The following PTCSC3 variants were observed in gnomAD, a reference collection of about 807,000 sequenced individuals.
PTCSC3 encodes the protein papillary thyroid carcinoma susceptibility candidate 3 (non-protein coding).
At chr14:36,160,957 C>T (rs1397534343) in intron 2 of PTCSC3, among the ~76,000 whole-genome samples, 6 of 152,006 alleles carry the variant, frequency 3.9e-5, no homozygotes, top group Non-Finnish European at 7.4e-5. Flanking sequence ...TGTCTTCATG[C>T]TTTATTTCAT....
chr14:36,169,206 G>A (rs1477571060), intron 1 of PTCSC3, among the ~76,000 whole-genome samples: 3 of 151,996 alleles, frequency 2.0e-5, no homozygotes, highest in Non-Finnish European at 4.4e-5. Context: ...CAAACATACT[G>A]CCTTAAATTT....
chr14:36,160,815 T>G (rs1029603056), intron 2 of PTCSC3, among the ~76,000 whole-genome samples: 1 of 152,196 alleles, frequency 6.6e-6, no homozygotes, highest in African/African-American at 2.4e-5. Flanking sequence ...TCCTGAAGAG[T>G]GTTTTCCAAC....
intron 3 of PTCSC3, among the ~76,000 whole-genome samples, chr14:36,141,325 A>G (rs1218146941): frequency 6.6e-6 from 1 of 152,140 alleles, no homozygotes; most frequent in Non-Finnish European, 1.5e-5. Context: ...CAAGTTGGGG[A>G]TAACTGACAT....
chr14:36,136,651 C>T (rs1232603430), intron 3 of PTCSC3, among the ~76,000 whole-genome samples: 1 of 152,074 alleles, frequency 6.6e-6, no homozygotes, highest in East Asian at 1.9e-4. Context: ...ATAATACAGG[C>T]CCCTTATCAA....
intron 2 of PTCSC3, among the ~76,000 whole-genome samples, chr14:36,162,287 T>C (rs1376140041): frequency 3.8e-4 from 40 of 106,116 alleles, no homozygotes; most frequent in East Asian, 5.3e-4. Context: ...AAAAAAAAAC[T>C]CCTGCAGCCA....
At chr14:36,145,376 G>T (rs200188719) in intron 3 of PTCSC3, among the ~76,000 whole-genome samples, 1 of 150,942 alleles carries the variant, frequency 6.6e-6, no homozygotes, top group East Asian at 1.9e-4. Context: ...ACTTCTTCCT[G>T]GTTTAGTCTT....
Position 36,162,640 on chromosome 14 carries a change from C to T in PTCSC3, n.215G>A, listed in dbSNP as rs532081350. 5 of 152,326 alleles carry T rather than the reference C, an allele frequency of 3.3e-5. No individual in the cohort carries two copies. The South Asian group carries it at 6.2e-4, about 19-fold the overall frequency. The allele number at this position is 152,326 out of a possible 1,614,324, so 9.4% of individuals were successfully genotyped here. A position where few individuals can be genotyped will look rare whatever the true frequency, so the allele number is the denominator to read the frequency against. ...ATCACTTACCTTTTGCATTAATCTC[C>T]CTGGGAGCTGTAGACTGGAGCTGCT... On this transcript the variant is annotated non_coding_transcript_exon_variant, in exon 2 of 4. Coordinates refer to ENST00000556013, the Ensembl canonical transcript of PTCSC3.
At chr14:36,159,984 T>C (rs985947977) in intron 2 of PTCSC3, among the ~76,000 whole-genome samples, 5 of 152,200 alleles carry the variant, frequency 3.3e-5, no homozygotes, top group African/African-American at 1.2e-4. Flanking sequence ...TGTAATGGCC[T>C]TCTTTGTCTC....
chr14:36,162,213 T>C (rs140595624), intron 2 of PTCSC3, among the ~76,000 whole-genome samples: 20 of 131,972 alleles, frequency 1.5e-4, no homozygotes, highest in African/African-American at 6.1e-4. Flanking sequence ...TCCAGGGGAG[T>C]GAACAGTTCT....
chr14:36,140,619 C>T (rs532096100), intron 3 of PTCSC3, among the ~76,000 whole-genome samples: 2 of 152,298 alleles, frequency 1.3e-5, no homozygotes, highest in Admixed American at 1.3e-4. Flanking sequence ...TCATTTGCCA[C>T]ATGTATATCT....
At chr14:36,140,052 G>A (rs968258072) in intron 3 of PTCSC3, among the ~76,000 whole-genome samples, 2 of 151,986 alleles carry the variant, frequency 1.3e-5, no homozygotes, top group Non-Finnish European at 1.5e-5. Context: ...ATTGTTTTAC[G>A]TTTTCTAAGA....
chr14:36,167,897 G>A (rs1209741969), intron 1 of PTCSC3, among the ~76,000 whole-genome samples: 2 of 152,078 alleles, frequency 1.3e-5, no homozygotes, highest in Admixed American at 6.6e-5. Flanking sequence ...CAAAGAATAT[G>A]CTAACCTTGG....
At chr14:36,143,223 G>A (rs1394453861) in intron 3 of PTCSC3, among the ~76,000 whole-genome samples, 32 of 146,938 alleles carry the variant, frequency 2.2e-4, no homozygotes, top group East Asian at 6.0e-4. Context: ...GATCCCTGAG[G>A]AATCACCACA....
chr14:36,174,748 G>T (rs867532715), intron 1 of PTCSC3, among the ~76,000 whole-genome samples: 2 of 152,124 alleles, frequency 1.3e-5, no homozygotes, highest in African/African-American at 4.8e-5. Flanking sequence ...TCTTGTCGGG[G>T]TTTGGTTTCA....
intron 3 of PTCSC3, among the ~76,000 whole-genome samples, chr14:36,143,321 T>A (rs1236240213): frequency 1.6e-5 from 2 of 124,744 alleles, no homozygotes; most frequent in African/African-American, 6.2e-5. Context: ...CAGCACCTGT[T>A]GTTTCCTGAC....
At chr14:36,167,057 A>G (rs545248915) in intron 1 of PTCSC3, among the ~76,000 whole-genome samples, 32 of 152,324 alleles carry the variant, frequency 2.1e-4, no homozygotes, top group African/African-American at 7.2e-4. Flanking sequence ...AATGACTTTC[A>G]TGGCTAATTA....
chr14:36,136,020 A>AG (rs1881279587), downstream of PTCSC3: 1 of 152,420 alleles, frequency 6.6e-6, no homozygotes, highest in African/African-American at 2.4e-5. Flanking sequence ...AAGGATAGTG[A>AG]GTCCCAGTCC....
chr14:36,137,220 C>G (rs1231876383), intron 3 of PTCSC3, among the ~76,000 whole-genome samples: 5 of 151,990 alleles, frequency 3.3e-5, no homozygotes, highest in African/African-American at 1.2e-4. Context: ...ACAACAAGCA[C>G]AAAGGCCCTG....
At chr14:36,153,166 G>A (rs569296823) in intron 3 of PTCSC3, among the ~76,000 whole-genome samples, 3 of 152,290 alleles carry the variant, frequency 2.0e-5, no homozygotes, top group Admixed American at 6.5e-5. Flanking sequence ...ATGACAGAGA[G>A]AGAAATAATC....
Sources: allele counts gnomAD v4.1 joint callset (sites outside exome capture counted in the v4.1 genomes callset), GRCh38; gene constraint gnomAD v4.1.1; transcripts MANE v1.5; gene names NCBI Gene and HGNC (gene_info 2026-07-23, HGNC 2026-07-21).